The following CCDC14 variants were observed in gnomAD, a reference collection of about 807,000 sequenced individuals.
CCDC14 encodes coiled-coil domain-containing protein 14.
A neutral mutation model predicts 81.4 loss-of-function variants in CCDC14; 71 were observed. The observed-to-expected ratio is 0.87, with a 90% CI of 0.72 to 1.06. The LOEUF is 1.06. Ranked by LOEUF, CCDC14 falls within the 50% of genes least tolerant of loss-of-function variation. The pLI is 0.00. For missense variants in CCDC14, 1,046 were observed against 1,047.3 expected (o/e 1.00, Z 0.02); for synonymous variants, 332 against 364.8 (o/e 0.91, Z 1.03).
the CCDC14 span, among the ~76,000 whole-genome samples, chr3:123,888,882 C>G: frequency 6.6e-5 from 10 of 152,088 alleles, no homozygotes; most frequent in Non-Finnish European, 1.0e-4. Context: ...TATAATTCCA[C>G]CCCAACCCCT....
downstream of CCDC14, among the ~76,000 whole-genome samples, chr3:123,911,068 G>A (rs958649045): frequency 2.6e-5 from 4 of 152,170 alleles, no homozygotes; most frequent in Non-Finnish European, 4.4e-5. Flanking sequence ...CCAGGTAAAA[G>A]GAATACCCCT....
At chr3:123,904,062 T>C (rs2034245538) in intron 5 of CCDC14, among the ~76,000 whole-genome samples, 1 of 152,166 alleles carries the variant, frequency 6.6e-6, no homozygotes, top group Admixed American at 6.5e-5. Flanking sequence ...TATTTTCTGT[T>C]ATGTATAACT....
At chr3:123,915,996 CTTTTTT>C (rs55792519) in intron 12 of CCDC14, among the ~76,000 whole-genome samples, 1 of 139,446 alleles carries the variant, frequency 7.2e-6, no homozygotes, top group Non-Finnish European at 1.5e-5. Flanking sequence ...ATGTTTTACT[CTTTTTT>C]TTTTTTTTTT....
At chr3:123,886,393 C>CTTCT in the CCDC14 span, among the ~76,000 whole-genome samples, 1 of 54,306 alleles carries the variant, frequency 1.8e-5, no homozygotes, top group South Asian at 4.6e-4. Flanking sequence ...TCCTTCTTTC[C>CTTCT]TTCTTTCTTT....
chr3:123,923,633 G>T (rs1413611638), intron 12 of CCDC14, among the ~76,000 whole-genome samples: 1 of 151,348 alleles, frequency 6.6e-6, no homozygotes, highest in Admixed American at 6.6e-5. Context: ...CTACCCAAAA[G>T]AAATTAAGAA....
chr3:123,941,244 C>T (rs1032406483), intron 9 of CCDC14, among the ~76,000 whole-genome samples: 1 of 152,010 alleles, frequency 6.6e-6, no homozygotes, highest in Admixed American at 6.6e-5. Context: ...ACCAGGAAGG[C>T]TAAATGCTGA....
At chr3:123,917,216 GGGCATGGT>G (rs1350539868) in intron 12 of CCDC14, among the ~76,000 whole-genome samples, 2 of 151,634 alleles carry the variant, frequency 1.3e-5, no homozygotes, top group Non-Finnish European at 2.9e-5. Flanking sequence ...AATGAGGGCT[GGGCATGGT>G]GGCTCATGCC....
intron 10 of CCDC14, 68 bp downstream of exon 10, chr3:123,933,605 G>T: frequency 1.8e-6 from 2 of 1,090,474 alleles, no homozygotes; most frequent in Non-Finnish European, 1.3e-6. Flanking sequence ...AATTACAAAA[G>T]CTCAATTCTT....
chr3:123,940,255 T>C (rs899387730), intron 9 of CCDC14, among the ~76,000 whole-genome samples: 7 of 151,606 alleles, frequency 4.6e-5, no homozygotes, highest in Non-Finnish European at 1.0e-4. Context: ...TGATTTTACA[T>C]TTGTTTCTTT....
chr3:123,899,679 A>G (rs1411014939), intron 5 of CCDC14, among the ~76,000 whole-genome samples: 1 of 152,166 alleles, frequency 6.6e-6, no homozygotes, highest in Admixed American at 6.5e-5. Context: ...GCAGCCTTCC[A>G]ACTGGGCTTC....
At position 123,946,897 on chromosome 3, in the gene CCDC14, A is replaced by T. The variant is rs777809722; in HGVS notation, c.1107T>A (p.Asp369Glu). ...IHVRDTKTVK[D>E]VQKAKNVNKT... ...TGTTCACATTTTTTGCCTTCTGTAC[A>T]TCCTTCACTGTTTTTGTATCTCGCA... Residue 369 changes from aspartate (D) to glutamate (E), a missense_variant, in exon 8 of 13, where the codon GAT (aspartate) becomes GAA (glutamate). Coordinates refer to ENST00000409697, the MANE Select transcript of CCDC14 (RefSeq NM_001366335.1). 2.5e-6 allele frequency: 4 copies of T among 1,613,796 alleles called. No homozygotes were observed. The highest frequency in any genetic ancestry group is 3.4e-6 in the Non-Finnish European group (4 of 1,179,870).
chr3:123,924,825 C>T (rs1053569605), intron 12 of CCDC14, among the ~76,000 whole-genome samples: 4 of 151,870 alleles, frequency 2.6e-5, no homozygotes, highest in African/African-American at 9.7e-5. Context: ...TTAGTATAGA[C>T]ACAATGGGAA....
At chr3:123,957,514 TCTCA>T (rs1199004605) in intron 1 of CCDC14, 8 of 152,144 alleles carry the variant, frequency 5.3e-5, no homozygotes, top group East Asian at 1.9e-4. Context: ...TTTATCTACA[TCTCA>T]CTGTCTTAAT....
At position 123,944,888 on chromosome 3, in the gene CCDC14, G is replaced by A. The variant is rs1419142331; in HGVS notation, c.1304C>T (p.Ala435Val). The change falls in exon 9 of 13, where the codon GCC (alanine) becomes GTC (valine). Residue 435 changes from alanine to valine, a missense_variant. Physicochemically the swap from Ala to Val is moderately conservative, Grantham distance 64. Transcript: ENST00000409697. ...NTDIQVEIAL[A>V]MQPLRSENAQ... ...ATTCTCACTTCTTAATGGTTGCATG[G>A]CCAGTGCTATCTCAACTTGAATATC... 4.3e-6 allele frequency: 7 copies of A among 1,611,226 alleles called. No homozygotes were observed. Among genetic ancestry groups the A allele is most frequent in the East Asian group, 2.2e-5 (1 of 44,806 alleles).
chr3:123,902,108 T>C (rs933429827), intron 5 of CCDC14, among the ~76,000 whole-genome samples: 1 of 152,196 alleles, frequency 6.6e-6, no homozygotes, highest in Admixed American at 6.5e-5. Flanking sequence ...CATTACTTCA[T>C]AATGATACTA....
Position 123,913,951 on chromosome 3 carries a change from C to T in CCDC14, c.*828G>A. On this transcript the variant is annotated 3_prime_UTR_variant, in exon 13 of 13. Coordinates refer to ENST00000409697, the MANE Select transcript of CCDC14 (RefSeq NM_001366335.1). ...TTTATAAAATAGAGAATATTCTCAG[C>T]TAACATGCTGGGAGAAAAAATTCTT... is the stretch of plus-strand genomic sequence containing the variant. 1 of 985,340 alleles carries T rather than the reference C, an allele frequency of 1.0e-6. No homozygotes were observed. 61.0% of individuals were successfully genotyped at this position (985,340 alleles called of 1,614,324 possible).
downstream of CCDC14, among the ~76,000 whole-genome samples, chr3:123,910,557 G>T (rs1366812356): frequency 6.6e-6 from 1 of 151,756 alleles, no homozygotes; most frequent in African/African-American, 2.4e-5. Flanking sequence ...AGATTACTCT[G>T]CATTAGTGTC....
intron 5 of CCDC14, among the ~76,000 whole-genome samples, chr3:123,898,846 C>G (rs943994301): frequency 6.0e-5 from 9 of 151,254 alleles, no homozygotes; most frequent in Non-Finnish European, 5.9e-5. Flanking sequence ...TGCCACAATG[C>G]CCTGCTAATT....
At chr3:123,925,580 C>T (rs1295685064) in intron 12 of CCDC14, among the ~76,000 whole-genome samples, 1 of 152,064 alleles carries the variant, frequency 6.6e-6, no homozygotes, top group African/African-American at 2.4e-5. Context: ...GGATTACAGG[C>T]ACCTGCTACC....
Sources: gnomAD v4.1 joint callset for allele counts (sites outside exome capture counted in the v4.1 genomes callset) on GRCh38, gnomAD v4.1.1 for gene constraint, MANE v1.5 for transcripts, NCBI Gene and HGNC (gene_info 2026-07-23, HGNC 2026-07-21) for gene names.